The following MYO7B variants were observed in gnomAD, a reference collection of about 807,000 sequenced individuals.
MYO7B encodes the protein myosin VIIB.
MYO7B carries 212 observed loss-of-function variants against 259.7 expected under a neutral mutation model. The ratio of observed to expected loss-of-function variants is 0.82; its 90% CI spans 0.73 to 0.91. The LOEUF is 0.91. MYO7B is among the 40% of genes least tolerant of loss of function. MYO7B has a pLI of 0.00. For missense variants in MYO7B, 2,732 were observed against 2,813.5 expected (o/e 0.97, Z 0.66); for synonymous variants, 1,197 against 1,166.4 (o/e 1.03, Z -0.54).
chr2:127,612,698 A>T, intron 26 of MYO7B, 95 bp downstream of exon 26: 9 of 1,511,606 alleles, frequency 6.0e-6, no homozygotes, highest in Non-Finnish European at 8.0e-6. Context: ...CACCCCTATG[A>T]CACCTCCTTG....
chr2:127,616,966 GTTC>G (rs1471522871), intron 26 of MYO7B, among the ~76,000 whole-genome samples: 1 of 152,198 alleles, frequency 6.6e-6, no homozygotes, highest in Non-Finnish European at 1.5e-5. Context: ...GTCTGGCGGT[GTTC>G]TTTTTTGAAA....
chr2:127,580,819 G>A lies in MYO7B; in HGVS notation c.1077G>A (p.Leu359=), dbSNP rs777656156. The change falls in exon 10 of 48, where the codon CTG becomes CTA. Residue 359 remains leucine, a synonymous_variant. Coordinates refer to ENST00000409816, the MANE Select transcript of MYO7B (RefSeq NM_001393586.1). ...CCTTTCCCACCGTGATGAAGTTACT[G>A]GAGGTAGGGGTGCTGTGCCCACAGC... is the stretch of plus-strand genomic sequence containing the variant. The part of the protein sequence containing the change: ...TPAFPTVMKL[L]EVQHQELRDC... 1.2e-6 allele frequency: 2 copies of A among 1,612,578 alleles called. No homozygotes were observed. Among genetic ancestry groups the A allele is most frequent in the East Asian group, 2.2e-5 (1 of 44,852 alleles).
intron 2 of MYO7B, among the ~76,000 whole-genome samples, chr2:127,560,456 T>TC (rs1379482787): frequency 6.6e-6 from 1 of 152,114 alleles, no homozygotes; most frequent in Non-Finnish European, 1.5e-5. Context: ...TGCATCGTGT[T>TC]CCCTTCACTC....
intron 20 of MYO7B, 29 bp downstream of exon 20, chr2:127,605,957 C>CT (rs397825072): frequency 8.2e-6 from 13 of 1,591,188 alleles, no homozygotes; most frequent in East Asian, 4.5e-5. Context: ...GCGGCTGGGC[C>CT]GCGGGACCAG....
In MYO7B at chr2:127,590,300, C is replaced by T; in HGVS notation, c.1992+71C>T. ...GGCTGATGGCCTCTAGGGTTGTGGTCACTCCCTCTGCCAGGGCCTGGCTAG... is the reference window on the plus strand; with the variant it reads ...GGCTGATGGCCTCTAGGGTTGTGGTTACTCCCTCTGCCAGGGCCTGGCTAG... On this transcript the variant is annotated intron_variant, in intron 16 of 47. Transcript: ENST00000409816. This position sits in a 1 kb window ranked among gnomAD's most constrained non-coding sequence, Gnocchi z 4.6. The T allele has an allele frequency of 1.3e-6, 2 of 1,598,004 alleles. No homozygotes were observed. Among genetic ancestry groups the T allele is most frequent in the Admixed American group, 1.7e-5 (1 of 59,260 alleles).
rs1198946933 is a variant in MYO7B, at chr2:127,616,515, C to T, written c.3399-3825C>T. On this transcript the variant is annotated intron_variant, in intron 26 of 47. Transcript: ENST00000409816. The stretch of plus-strand genomic sequence containing the variant: ...CCACCTGAATTTCTCCTTCACAATC[C>T]GAATCAACAACTCCTGGGGTTACAA... 4.6e-5 allele frequency among the ~76,000 whole-genome samples: 7 copies of T among 152,316 alleles called. No homozygotes were observed. The East Asian group carries it at 1.2e-3, about 25-fold the overall frequency.
intron 1 of MYO7B, among the ~76,000 whole-genome samples, chr2:127,548,862 T>C (rs544969864): frequency 6.6e-6 from 1 of 152,360 alleles, no homozygotes; most frequent in South Asian, 2.1e-4. Flanking sequence ...TATTTAGAAA[T>C]ATGTTTCTTA....
At position 127,590,358 on chromosome 2, in the gene MYO7B, T is replaced by A; in HGVS notation, c.1992+129T>A. 7.6e-7 allele frequency: 1 copy of A among 1,320,316 alleles called. No individual in the cohort carries two copies. Among genetic ancestry groups the A allele is most frequent in the Admixed American group, 2.2e-5 (1 of 45,578 alleles). The allele number at this position is 1,320,316 out of a possible 1,614,324, so 81.8% of individuals were successfully genotyped here. ...GCTGTTACTGCCCCTACCTTACAGA[T>A]AAGTACACTGGGGTAAGGTGACCAG... On this transcript the variant is annotated intron_variant, in intron 16 of 47. Coordinates refer to ENST00000409816, the MANE Select transcript of MYO7B (RefSeq NM_001393586.1). The surrounding 1 kb of genome is among the most constrained non-coding windows in gnomAD (Gnocchi z 4.6).
Position 127,576,698 on chromosome 2 carries a change from A to G in MYO7B, c.839A>G (p.Tyr280Cys), listed in dbSNP as rs758840640. The G allele has an allele frequency of 1.9e-5, 31 of 1,601,510 alleles. No individual in the cohort carries two copies. The highest frequency in any genetic ancestry group is 3.3e-4 in the Middle Eastern group (2 of 6,054). The change falls in exon 8 of 48, where the codon TAC (tyrosine) becomes TGC (cysteine). Residue 280 changes from tyrosine to cysteine, a missense_variant. Coordinates refer to ENST00000409816, the MANE Select transcript of MYO7B (RefSeq NM_001393586.1). This position sits in a 1 kb window ranked among gnomAD's most constrained non-coding sequence, Gnocchi z 4.9. ...CTGGGCACGCCCTCCGAGTACCACT[A>G]CCTGACCATGGTGAGCTGCCCACCT... is the stretch of plus-strand genomic sequence containing the variant. ...LSLGTPSEYH[Y>C]LTMGNCTSCE...
At chr2:127,633,507 C>G (rs772665767) in intron 40 of MYO7B, 144 bp downstream of exon 40, 1 of 789,452 alleles carries the variant, frequency 1.3e-6, no homozygotes, top group East Asian at 2.7e-5. Flanking sequence ...CCCGCCCTCT[C>G]CCCATGGGAT....
intron 19 of MYO7B, among the ~76,000 whole-genome samples, chr2:127,596,858 A>G (rs1359954559): frequency 1.3e-5 from 2 of 152,212 alleles, no homozygotes; most frequent in Non-Finnish European, 2.9e-5. Context: ...ATCAAAGCGT[A>G]TGGGTTTGGG....
At chr2:127,617,385 T>C (rs1349640745) in intron 26 of MYO7B, among the ~76,000 whole-genome samples, 1 of 151,844 alleles carries the variant, frequency 6.6e-6, no homozygotes, top group Non-Finnish European at 1.5e-5. Flanking sequence ...TTCTTCCCCA[T>C]GTTACCCTGA....
Position 127,609,746 on chromosome 2 carries a change from A to AGT in MYO7B, c.3024+32_3024+33insTG. The AGT allele has an allele frequency of 1.9e-6, 3 of 1,613,212 alleles. No homozygotes were observed. Among genetic ancestry groups the AGT allele is most frequent in the Non-Finnish European group, 2.5e-6 (3 of 1,179,238 alleles). Reference sequence around the variant, plus strand: ...AGGGTTCACTGGCTTCTAGTGGATCAGGCCAGCCCCGAGCCTGGGGTGTGA... The same window carrying AGT: ...AGGGTTCACTGGCTTCTAGTGGATCAGTGGCCAGCCCCGAGCCTGGGGTGTGA... On this transcript the variant is annotated intron_variant, in intron 23 of 47. Coordinates refer to ENST00000409816, the MANE Select transcript of MYO7B (RefSeq NM_001393586.1). This position sits in a 1 kb window ranked among gnomAD's most constrained non-coding sequence, Gnocchi z 6.9.
At position 127,559,235 on chromosome 2, in the gene MYO7B, A is replaced by G. The variant is rs1455830754; in HGVS notation, c.-23-465A>G. 6.6e-6 allele frequency among the ~76,000 whole-genome samples: 1 copy of G among 152,220 alleles called. No homozygotes were observed. Among genetic ancestry groups the G allele is most frequent in the African/African-American group, 2.4e-5 (1 of 41,460 alleles). The stretch of plus-strand genomic sequence containing the variant: ...TCCGGGTTTGATTCCCAGCTGTGCT[A>G]CTAATTAACTGAGTGGCATTTCCTG... On this transcript the variant is annotated intron_variant, in intron 1 of 47. Coordinates refer to ENST00000409816, the MANE Select transcript of MYO7B (RefSeq NM_001393586.1). The surrounding 1 kb of genome is among the most constrained non-coding windows in gnomAD (Gnocchi z 4.1).
chr2:127,628,545 TGGGTG>T lies in MYO7B; in HGVS notation c.4624+39_4624+43del, dbSNP rs144295028. ...GACAGGAAGGCCACAGGTGCCAGAC[TGGGTG>T]GGGTGGGGTGGGGTGGGGTGGGGTG... is the stretch of plus-strand genomic sequence containing the variant. On this transcript the variant is annotated intron_variant, in intron 34 of 47. Transcript: ENST00000409816. This position sits in a 1 kb window ranked among gnomAD's most constrained non-coding sequence, Gnocchi z 4.8. 99,185 of 298,962 alleles carry T rather than the reference TGGGTG, an allele frequency of 0.33. 30,914 individuals carry two copies. The highest frequency in any genetic ancestry group is 0.78 in the African/African-American group (23,635 of 30,150). 18.5% of individuals were successfully genotyped at this position (298,962 alleles called of 1,614,324 possible). A position where few individuals can be genotyped will look rare whatever the true frequency, so the allele number is the denominator to read the frequency against.
In MYO7B at chr2:127,543,754, T is replaced by TATA. The variant is rs199836485; in HGVS notation, c.-24+7923_-24+7924insATA. Among the ~76,000 whole-genome samples the TATA allele has an allele frequency of 3.9e-3, 581 of 148,668 alleles. 4 individuals are homozygous for TATA. The highest frequency in any genetic ancestry group is 9.4e-3 in the African/African-American group (380 of 40,590). On this transcript the variant is annotated intron_variant, in intron 1 of 47. Transcript: ENST00000409816. ...TCTCTCTCTCCATATATATATATAT[T>TATA]TTTTTTTTGAGACCGAGTCTCGCTG...
At position 127,590,057 on chromosome 2, in the gene MYO7B, T is replaced by A. The variant is rs1269288634; in HGVS notation, c.1855-35T>A. ...GTCAGCTGTCCCAGGACATGGCTCC[T>A]GAGACCCACTTGTGCTCTGTGCTTC... On this transcript the variant is annotated intron_variant, in intron 15 of 47. Transcript: ENST00000409816. The surrounding 1 kb of genome is among the most constrained non-coding windows in gnomAD (Gnocchi z 4.6). 6.4e-7 allele frequency: 1 copy of A among 1,553,878 alleles called. No homozygotes were observed. The highest frequency in any genetic ancestry group is 8.7e-7 in the Non-Finnish European group (1 of 1,148,620).
In MYO7B at chr2:127,611,861, G is replaced by A. The variant is rs943335407; in HGVS notation, c.3193-389G>A. Among the ~76,000 whole-genome samples, 2 of 152,122 alleles carry A rather than the reference G, an allele frequency of 1.3e-5. No individual in the cohort carries two copies. The highest frequency in any genetic ancestry group is 2.9e-5 in the Non-Finnish European group (2 of 68,012). On this transcript the variant is annotated intron_variant, in intron 24 of 47. Coordinates refer to ENST00000409816, the MANE Select transcript of MYO7B (RefSeq NM_001393586.1). This position sits in a 1 kb window ranked among gnomAD's most constrained non-coding sequence, Gnocchi z 5.4. ...TCCTGCTTCATCTGCTATCTTTACT[G>A]AGAATGACCATGGCCTGGGGCTGTC... is the stretch of plus-strand genomic sequence containing the variant.
At chr2:127,583,371 G>A in intron 12 of MYO7B, among the ~76,000 whole-genome samples, 1 of 152,284 alleles carries the variant, frequency 6.6e-6, no homozygotes, top group Non-Finnish European at 1.5e-5. Context: ...AGCCGGGGGT[G>A]CAGGGCAGGT....
Sources: allele counts gnomAD v4.1 joint callset (sites outside exome capture counted in the v4.1 genomes callset), GRCh38; gene constraint gnomAD v4.1.1; non-coding constraint Gnocchi (gnomAD v3.1); transcripts MANE v1.5; gene names NCBI Gene and HGNC (gene_info 2026-07-23, HGNC 2026-07-21).